OXR1: variants seen among roughly 807,000 people sequenced by gnomAD.
The protein encoded by OXR1 is oxidation resistance 1, also known as oxidation resistance protein 1.
In OXR1, 41 loss-of-function variants were observed where a neutral mutation model predicts 104.6. The observed-to-expected ratio is 0.39, with a 90% CI of 0.31 to 0.51. The LOEUF (loss-of-function observed/expected upper bound fraction) is 0.51, where lower values mean the gene tolerates loss of function less well. Ranked by LOEUF, OXR1 falls within the 20% of genes least tolerant of loss-of-function variation. OXR1 has a pLI of 0.77. For synonymous variants in OXR1, 348 were observed against 348.4 expected (o/e 1.00, Z 0.01); for missense variants, 955 against 1,031.9 (o/e 0.93, Z 1.02).
intron 8 of OXR1, among the ~76,000 whole-genome samples, chr8:106,705,485 G>A (rs1831054322): frequency 6.6e-6 from 1 of 152,106 alleles, no homozygotes; most frequent in Non-Finnish European, 1.5e-5. Context: ...TTATTTTTGT[G>A]TTGACTTACT....
intron 3 of OXR1, among the ~76,000 whole-genome samples, chr8:106,527,337 G>C (rs1813760001): frequency 6.6e-6 from 1 of 152,106 alleles, no homozygotes; most frequent in South Asian, 2.1e-4. Flanking sequence ...CTCTTGTCTT[G>C]ACCTTTGTGG....
intron 7 of OXR1, chr8:106,697,349 A>T (rs779467026): frequency 2.8e-6 from 3 of 1,053,638 alleles, no homozygotes; most frequent in Non-Finnish European, 4.2e-6. Context: ...CTCTCTGGGA[A>T]TGTCACTGCT....
chr8:106,647,301 A>G (rs1824165707), intron 3 of OXR1, among the ~76,000 whole-genome samples: 1 of 151,684 alleles, frequency 6.6e-6, no homozygotes, highest in African/African-American at 2.4e-5. Flanking sequence ...TTAATATTAG[A>G]CTCTCTCCCA....
At chr8:106,284,792 A>G (rs1323904749) in intron 1 of OXR1, among the ~76,000 whole-genome samples, 4 of 146,408 alleles carry the variant, frequency 2.7e-5, no homozygotes, top group South Asian at 2.1e-4. Context: ...AGCTATTAAC[A>G]TTAACCTCAA....
At chr8:106,622,428 A>T (rs1159818974) in intron 3 of OXR1, among the ~76,000 whole-genome samples, 1 of 150,170 alleles carries the variant, frequency 6.7e-6, no homozygotes, top group East Asian at 2.0e-4. Context: ...ATCATGGCCC[A>T]CAGGGCCCTA....
intron 1 of OXR1, among the ~76,000 whole-genome samples, chr8:106,353,931 A>G (rs918611227): frequency 1.3e-5 from 2 of 152,046 alleles, no homozygotes; most frequent in African/African-American, 4.8e-5. Context: ...CCACCATTCT[A>G]CTTTCTGCTT....
At chr8:106,655,579 GAGAAAAAGGAA>G (rs1442822169) in intron 3 of OXR1, among the ~76,000 whole-genome samples, 1 of 152,072 alleles carries the variant, frequency 6.6e-6, no homozygotes, top group Non-Finnish European at 1.5e-5. Context: ...GTAGATTGAA[GAGAAAAAGGAA>G]AGAAAAATGA....
intron 2 of OXR1, among the ~76,000 whole-genome samples, chr8:106,415,969 C>T (rs1467799816): frequency 1.3e-5 from 2 of 152,064 alleles, no homozygotes; most frequent in African/African-American, 4.8e-5. Context: ...GCTCATTCCA[C>T]AAGTCTTGAG....
intron 3 of OXR1, among the ~76,000 whole-genome samples, chr8:106,532,218 G>A (rs1265994833): frequency 6.6e-6 from 1 of 152,200 alleles, no homozygotes; most frequent in African/African-American, 2.4e-5. Context: ...TTTATAGAGA[G>A]ATATTTCTAG....
chr8:106,600,256 A>T (rs1353676009), intron 3 of OXR1, among the ~76,000 whole-genome samples: 1 of 152,240 alleles, frequency 6.6e-6, no homozygotes, highest in Non-Finnish European at 1.5e-5. Context: ...CTATTTAAAG[A>T]TATTCAAATC....
chr8:106,579,040 T>C (rs1047419311), intron 3 of OXR1, among the ~76,000 whole-genome samples: 1 of 151,514 alleles, frequency 6.6e-6, no homozygotes, highest in Non-Finnish European at 1.5e-5. Context: ...ACCTTCTTTA[T>C]TGCTGACTGG....
At chr8:106,656,000 T>C (rs1825032851) in intron 3 of OXR1, 1 of 152,226 alleles carries the variant, frequency 6.6e-6, no homozygotes, top group Non-Finnish European at 1.5e-5. Context: ...TTGGATATGC[T>C]TATAACAAAC....
chr8:106,388,589 AT>A (rs1201610202), intron 2 of OXR1, among the ~76,000 whole-genome samples: 2 of 151,886 alleles, frequency 1.3e-5, no homozygotes, highest in African/African-American at 4.8e-5. Context: ...CACCTGGCTA[AT>A]TTTTTGTATT....
chr8:106,732,142 A>G (rs1194129349), intron 11 of OXR1, among the ~76,000 whole-genome samples: 4 of 152,120 alleles, frequency 2.6e-5, no homozygotes, highest in Non-Finnish European at 4.4e-5. Flanking sequence ...TTATGCTAAT[A>G]TAAATGGTAT....
In OXR1 at chr8:106,752,593, T is replaced by C. The variant is rs547598308; in HGVS notation, c.*1652T>C. ...TCTTCCACAGCAGTATTATTGTCTT[T>C]GTGGAGTTGACTAATGATAATTTAA... On this transcript the variant is annotated 3_prime_UTR_variant, in exon 17 of 17. Coordinates refer to ENST00000517566, the MANE Select transcript of OXR1 (RefSeq NM_001198533.2). 2 of 152,628 alleles carry C rather than the reference T, an allele frequency of 1.3e-5. No individual in the cohort carries two copies. The highest frequency in any genetic ancestry group is 4.8e-5 in the African/African-American group (2 of 41,568). The allele number at this position is 152,628 out of a possible 1,614,324, so 9.5% of individuals were successfully genotyped here.
rs552060377 is a variant in OXR1, at chr8:106,433,996, A to G, written c.23+74360A>G. Among the ~76,000 whole-genome samples the G allele has an allele frequency of 6.6e-5, 10 of 152,330 alleles. No homozygotes were observed. The South Asian group carries it at 2.1e-3, about 32-fold the overall frequency. ...TTTTTGCTTTGATGATTGGTCTACC[A>G]GCAAATGTTCCCATAAAAATCTAAA... On this transcript the variant is annotated intron_variant, in intron 2 of 16. Transcript: ENST00000517566.
At chr8:106,578,278 A>C (rs986941186) in intron 3 of OXR1, among the ~76,000 whole-genome samples, 3 of 151,984 alleles carry the variant, frequency 2.0e-5, no homozygotes, top group African/African-American at 4.8e-5. Flanking sequence ...GTTTTCTGCT[A>C]TTGCTTTCTT....
Position 106,737,607 on chromosome 8 carries a change from C to T in OXR1, c.2037+7C>T. On this transcript the variant is annotated splice_region_variant and intron_variant, in intron 12 of 16. Coordinates refer to ENST00000517566, the MANE Select transcript of OXR1 (RefSeq NM_001198533.2). ...ACTCTGCAGACGCCTCCAGGTGCCCCCTTCAGTAGTTTAAACCCCTCCAGA... is the reference window on the plus strand; with the variant it reads ...ACTCTGCAGACGCCTCCAGGTGCCCTCTTCAGTAGTTTAAACCCCTCCAGA... The T allele has an allele frequency of 7.4e-7, 1 of 1,343,420 alleles. No homozygotes were observed. The highest frequency in any genetic ancestry group is 9.8e-7 in the Non-Finnish European group (1 of 1,022,172). 83.2% of individuals were successfully genotyped at this position (1,343,420 alleles called of 1,614,324 possible). A position where few individuals can be genotyped will look rare whatever the true frequency, so the allele number is the denominator to read the frequency against.
At chr8:106,565,256 G>A (rs376981622) in intron 3 of OXR1, among the ~76,000 whole-genome samples, 1 of 152,078 alleles carries the variant, frequency 6.6e-6, no homozygotes, top group Non-Finnish European at 1.5e-5. Context: ...AACTCCTTAA[G>A]CTAATAAGCA....
Sources: gnomAD v4.1 joint callset for allele counts (sites outside exome capture counted in the v4.1 genomes callset) on GRCh38, gnomAD v4.1.1 for gene constraint, MANE v1.5 for transcripts, NCBI Gene and HGNC (gene_info 2026-07-23, HGNC 2026-07-21) for gene names.